FOXP1: variants seen among roughly 807,000 people sequenced by gnomAD.
The protein encoded by FOXP1 is forkhead box protein P1.
In FOXP1, 15 loss-of-function variants were observed where a neutral mutation model predicts 98.2. The observed-to-expected ratio is 0.15, with a 90% CI of 0.10 to 0.24. FOXP1 has a LOEUF of 0.24. Among genes scored for constraint, FOXP1 ranks in the 10% least tolerant of loss-of-function variants. The pLI is 1.00. For synonymous variants in FOXP1, 371 were observed against 314.5 expected (o/e 1.18, Z -1.90); for missense variants, 633 against 848.5 (o/e 0.75, Z 3.15).
chr3:71,567,213 T>C (rs73839905), intron 2 of FOXP1, among the ~76,000 whole-genome samples: 1,605 of 152,012 alleles, frequency 0.011, 32 homozygotes, highest in African/African-American at 0.036. Flanking sequence ...AAAACACAAC[T>C]TCAGGTAACA....
intron 2 of FOXP1, among the ~76,000 whole-genome samples, chr3:71,563,337 C>A (rs2046679085): frequency 6.6e-6 from 1 of 152,152 alleles, no homozygotes; most frequent in South Asian, 2.1e-4. Context: ...ATGGAGAGGC[C>A]CCCTAGGATG....
intron 4 of FOXP1, among the ~76,000 whole-genome samples, chr3:71,342,057 T>C (rs895020813): frequency 5.3e-5 from 8 of 152,146 alleles, no homozygotes; most frequent in African/African-American, 1.9e-4. Context: ...ACTAGTCTTA[T>C]GAATTTAACT....
intron 3 of FOXP1, among the ~76,000 whole-genome samples, chr3:71,365,496 C>A (rs1389221758): frequency 6.7e-6 from 1 of 150,266 alleles, no homozygotes; most frequent in Non-Finnish European, 1.5e-5. Context: ...TCAATACAGT[C>A]AAGCCCCTGT....
Position 70,995,961 on chromosome 3 carries a change from C to T in FOXP1, c.1062+5011G>A, listed in dbSNP as rs187382343. 4.3e-4 allele frequency among the ~76,000 whole-genome samples: 66 copies of T among 152,278 alleles called. No individual in the cohort carries two copies. The East Asian group carries it at 8.7e-3, about 20-fold the overall frequency. ...GGTATTTCTATTGAAACTGTGGTTT[C>T]GTAAATCAAGTCATATTTTATTTTA... On this transcript the variant is annotated intron_variant, in intron 13 of 20. Transcript: ENST00000649528.
intron 7 of FOXP1, among the ~76,000 whole-genome samples, chr3:71,109,208 C>G (rs974812844): frequency 1.3e-5 from 2 of 152,158 alleles, no homozygotes; most frequent in African/African-American, 4.8e-5. Flanking sequence ...TGCCATTTCT[C>G]TCTTATTTAC....
intron 4 of FOXP1, among the ~76,000 whole-genome samples, chr3:71,313,883 G>T (rs1227595357): frequency 6.6e-6 from 1 of 152,126 alleles, no homozygotes. Flanking sequence ...AAGTATTACA[G>T]AATATAGTAC....
At chr3:71,252,128 TTC>T (rs55852351) in intron 5 of FOXP1, among the ~76,000 whole-genome samples, 116,491 of 151,912 alleles carry the variant, frequency 0.77, 45,051 homozygotes, top group African/African-American at 0.86. Flanking sequence ...AGAGATCTCT[TTC>T]TCTCTCTCTC....
intron 2 of FOXP1, among the ~76,000 whole-genome samples, chr3:71,524,100 G>A (rs552157741): frequency 1.1e-3 from 174 of 152,278 alleles, no homozygotes; most frequent in Non-Finnish European, 1.9e-3. Context: ...CACTTTTCCA[G>A]AAGGCACAGC....
At chr3:71,472,341 G>T (rs879693091) in intron 3 of FOXP1, among the ~76,000 whole-genome samples, 1 of 151,894 alleles carries the variant, frequency 6.6e-6, no homozygotes, top group Non-Finnish European at 1.5e-5. Flanking sequence ...ATAAACACTC[G>T]ACACAAACCA....
At chr3:71,476,798 C>T (rs1244332125) in intron 3 of FOXP1, among the ~76,000 whole-genome samples, 3 of 152,034 alleles carry the variant, frequency 2.0e-5, no homozygotes, top group Non-Finnish European at 2.9e-5. Flanking sequence ...GCCACTGCGC[C>T]GGGCCGCATT....
chr3:70,961,414 A>G (rs1323736784), intron 20 of FOXP1, among the ~76,000 whole-genome samples: 1 of 151,246 alleles, frequency 6.6e-6, no homozygotes, highest in Non-Finnish European at 1.5e-5. Context: ...TATTTTTAGT[A>G]CAGATGAGGT....
chr3:71,540,951 G>A (rs1425569560), intron 2 of FOXP1, among the ~76,000 whole-genome samples: 1 of 152,164 alleles, frequency 6.6e-6, no homozygotes, highest in Non-Finnish European at 1.5e-5. Context: ...TAACAAAAAG[G>A]TTACAAATAT....
intron 3 of FOXP1, among the ~76,000 whole-genome samples, chr3:71,446,472 C>T (rs145893877): frequency 2.0e-5 from 3 of 151,888 alleles, no homozygotes; most frequent in Non-Finnish European, 4.4e-5. Flanking sequence ...GGGAGCCAGG[C>T]GGCTTCCCAG....
At chr3:71,177,081 A>G (rs866122055) in intron 6 of FOXP1, among the ~76,000 whole-genome samples, 1 of 152,130 alleles carries the variant, frequency 6.6e-6, no homozygotes, top group African/African-American at 2.4e-5. Context: ...AACAAATGAA[A>G]AAAAGGAAGA....
chr3:71,068,336 G>A (rs1242030276), intron 7 of FOXP1, among the ~76,000 whole-genome samples: 1 of 152,214 alleles, frequency 6.6e-6, no homozygotes, highest in African/African-American at 2.4e-5. Flanking sequence ...GAACACAGAA[G>A]AAAGTGAAAG....
intron 3 of FOXP1, among the ~76,000 whole-genome samples, chr3:71,393,945 T>C (rs1030260411): frequency 1.3e-5 from 2 of 152,198 alleles, no homozygotes; most frequent in African/African-American, 4.8e-5. Context: ...TCCTCCAGCC[T>C]CGGCCTCCCA....
At chr3:71,195,307 G>A (rs1266199064) in intron 6 of FOXP1, among the ~76,000 whole-genome samples, 1 of 152,088 alleles carries the variant, frequency 6.6e-6, no homozygotes, top group Non-Finnish European at 1.5e-5. Flanking sequence ...TCTGAAAACG[G>A]CATTTGCTGT....
At chr3:71,495,897 G>A (rs1048588253) in intron 2 of FOXP1, among the ~76,000 whole-genome samples, 10 of 152,158 alleles carry the variant, frequency 6.6e-5, no homozygotes, top group South Asian at 2.1e-4. Context: ...GCAAATGAGC[G>A]AGGAAGGCCA....
chr3:71,203,091 C>T (rs1215358711), intron 5 of FOXP1, among the ~76,000 whole-genome samples: 1 of 152,128 alleles, frequency 6.6e-6, no homozygotes, highest in Non-Finnish European at 1.5e-5. Context: ...AAAGGTATGG[C>T]CACACCATAC....
Sources: gnomAD v4.1 joint callset for allele counts (sites outside exome capture counted in the v4.1 genomes callset) on GRCh38, gnomAD v4.1.1 for gene constraint, MANE v1.5 for transcripts, NCBI Gene and HGNC (gene_info 2026-07-23, HGNC 2026-07-21) for gene names.